Variants in LRP1B observed in about 807,000 individuals in gnomAD.
The protein encoded by LRP1B is low-density lipoprotein receptor-related protein 1B.
In LRP1B, 217 loss-of-function variants were observed where a neutral mutation model predicts 556.6. The ratio of observed to expected loss-of-function variants is 0.39; its 90% CI spans 0.35 to 0.44. The LOEUF is 0.44. Among genes scored for constraint, LRP1B ranks in the 20% least tolerant of loss-of-function variants. The pLI is 1.00. For missense variants in LRP1B, 5,053 were observed against 5,620.8 expected (o/e 0.90, Z 3.23); for synonymous variants, 2,047 against 1,865.8 (o/e 1.10, Z -2.50).
chr2:140,353,296 C>A (rs1478751343), intron 75 of LRP1B, among the ~76,000 whole-genome samples: 1 of 152,066 alleles, frequency 6.6e-6, no homozygotes, highest in Non-Finnish European at 1.5e-5. Context: ...TATTAATCCA[C>A]TTAAAATATT....
intron 3 of LRP1B, among the ~76,000 whole-genome samples, chr2:141,327,625 A>G (rs908016074): frequency 1.3e-5 from 2 of 152,236 alleles, no homozygotes; most frequent in African/African-American, 2.4e-5. Context: ...TTCTCCTAAA[A>G]AGAAGGGAAT....
At chr2:140,390,501 T>G (rs1683967589) in intron 66 of LRP1B, among the ~76,000 whole-genome samples, 1 of 151,958 alleles carries the variant, frequency 6.6e-6, no homozygotes. Flanking sequence ...AGGAAAATAC[T>G]CTTATAATGT....
In LRP1B at chr2:141,736,094, T is replaced by G. The variant is rs145274910; in HGVS notation, c.205+74185A>C. ...TCACCCACTCTCTCTAGGGGCAGGT[T>G]GTTCCCAGAAAGAATAGAGGCTAAG... On this transcript the variant is annotated intron_variant, in intron 2 of 90. Transcript: ENST00000389484. Among the ~76,000 whole-genome samples the G allele has an allele frequency of 2.9e-4, 44 of 152,244 alleles. No homozygotes were observed. In the East Asian group the frequency reaches 7.8e-3, roughly 27 times the overall value.
intron 35 of LRP1B, among the ~76,000 whole-genome samples, chr2:140,743,147 C>T (rs954198461): frequency 6.6e-6 from 1 of 151,932 alleles, no homozygotes; most frequent in Admixed American, 6.6e-5. Flanking sequence ...TGAACAAATT[C>T]CTAATAGTTG....
chr2:141,238,462 A>G (rs939759217), intron 5 of LRP1B, among the ~76,000 whole-genome samples: 4 of 152,154 alleles, frequency 2.6e-5, no homozygotes, highest in Non-Finnish European at 5.9e-5. Flanking sequence ...ATACTGCCTC[A>G]GTATTTGAAT....
intron 15 of LRP1B, among the ~76,000 whole-genome samples, chr2:140,994,805 A>G (rs1302241441): frequency 6.6e-6 from 1 of 152,084 alleles, no homozygotes; most frequent in Non-Finnish European, 1.5e-5. Flanking sequence ...GTTTACTATA[A>G]TCAAACATAC....
chr2:140,614,555 G>C (rs10172712), intron 41 of LRP1B, among the ~76,000 whole-genome samples: 34,761 of 152,016 alleles, frequency 0.23, 4,271 homozygotes, highest in Admixed American at 0.3. Flanking sequence ...TTGAGAATAA[G>C]AGCAGAAAAT....
intron 2 of LRP1B, among the ~76,000 whole-genome samples, chr2:141,643,408 A>T (rs186694251): frequency 2.0e-4 from 31 of 152,334 alleles, no homozygotes; most frequent in Admixed American, 2.0e-3. Flanking sequence ...ATACATATTT[A>T]AGATAATGAA....
intron 1 of LRP1B, among the ~76,000 whole-genome samples, chr2:141,917,676 A>T (rs1235419132): frequency 6.6e-6 from 1 of 152,208 alleles, no homozygotes; most frequent in Non-Finnish European, 1.5e-5. Context: ...ATGTTAGTAC[A>T]TTAACCACTA....
chr2:141,364,363 G>C (rs75370162), intron 3 of LRP1B, among the ~76,000 whole-genome samples: 1 of 149,004 alleles, frequency 6.7e-6, no homozygotes, highest in African/African-American at 2.5e-5. Flanking sequence ...GCACACACAC[G>C]TAGTGGAATG....
chr2:140,840,975 G>T lies in LRP1B; in HGVS notation c.5057C>A (p.Thr1686Asn). Reference sequence around the variant, plus strand: ...CTTATCGATTCCATGGATAATTGAGGTTTTCAAAGAGCCATCTAGCCTTGC... The same window carrying T: ...CTTATCGATTCCATGGATAATTGAGTTTTTCAAAGAGCCATCTAGCCTTGC... ...NVARLDGSLK[T>N]SIIHGIDKPQ... Residue 1686 changes from threonine to asparagine, a missense_variant, in exon 30 of 91, where the codon ACC becomes AAC. Thr to Asn is a moderately conservative substitution (Grantham distance 65). Around this residue, in one of 5 missense-constraint regions of LRP1B, gnomAD observed 3,619 missense variants for 3,931.9 expected, o/e 0.92. Coordinates refer to ENST00000389484, the MANE Select transcript of LRP1B (RefSeq NM_018557.3). The T allele has an allele frequency of 6.2e-7, 1 of 1,613,086 alleles. No individual in the cohort carries two copies. The highest frequency in any genetic ancestry group is 2.2e-5 in the East Asian group (1 of 44,824).
At chr2:141,982,237 A>G (rs1261215990) in intron 1 of LRP1B, among the ~76,000 whole-genome samples, 2 of 152,298 alleles carry the variant, frequency 1.3e-5, no homozygotes, top group African/African-American at 4.8e-5. Flanking sequence ...CTAATGGCTG[A>G]CTGATATCTA....
intron 1 of LRP1B, among the ~76,000 whole-genome samples, chr2:142,005,319 C>T (rs919164566): frequency 2.0e-5 from 3 of 151,982 alleles, no homozygotes; most frequent in African/African-American, 7.2e-5. Context: ...CCTTGGAAAA[C>T]TGACACTAGC....
intron 7 of LRP1B, among the ~76,000 whole-genome samples, chr2:141,116,586 A>G (rs1055011770): frequency 6.6e-6 from 1 of 152,174 alleles, no homozygotes; most frequent in African/African-American, 2.4e-5. Flanking sequence ...ATAGTGCCCA[A>G]AAACCTTTAC....
At chr2:140,242,960 T>A (rs1681014129) in intron 87 of LRP1B, among the ~76,000 whole-genome samples, 6 of 151,134 alleles carry the variant, frequency 4.0e-5, no homozygotes, top group Non-Finnish European at 7.4e-5. Context: ...GAGAGAAGTT[T>A]AAGGATGGAA....
In LRP1B at chr2:140,335,842, C is replaced by T. The variant is rs758121241; in HGVS notation, c.11893-4G>A. The T allele has an allele frequency of 6.3e-7, 1 of 1,586,806 alleles. No homozygotes were observed. The highest frequency in any genetic ancestry group is 1.1e-5 in the South Asian group (1 of 90,470). ...TGGGCCTTTTAAATTCAGGACACTACAAGGAAACAAAACAACACACCACGG... is the reference window on the plus strand; with the variant it reads ...TGGGCCTTTTAAATTCAGGACACTATAAGGAAACAAAACAACACACCACGG... On this transcript the variant is annotated splice_polypyrimidine_tract_variant and splice_region_variant and intron_variant, in intron 77 of 90. Transcript: ENST00000389484.
chr2:141,419,887 A>C (rs6733086), intron 3 of LRP1B, among the ~76,000 whole-genome samples: 4,970 of 151,854 alleles, frequency 0.033, 255 homozygotes, highest in African/African-American at 0.11. Flanking sequence ...GCTTGTTATA[A>C]TTTCAACCTT....
intron 2 of LRP1B, among the ~76,000 whole-genome samples, chr2:141,602,689 A>C (rs17735355): frequency 6.6e-6 from 1 of 152,072 alleles, no homozygotes; most frequent in African/African-American, 2.4e-5. Context: ...GCCAGGATAC[A>C]TTGCTTTCTC....
chr2:141,046,517 A>G (rs957776906), intron 11 of LRP1B, among the ~76,000 whole-genome samples: 1 of 152,132 alleles, frequency 6.6e-6, no homozygotes, highest in Non-Finnish European at 1.5e-5. Context: ...TAGAAAGACA[A>G]AAATGTTAAA....
Sources: gnomAD v4.1 joint callset for allele counts (sites outside exome capture counted in the v4.1 genomes callset) on GRCh38, gnomAD v4.1.1 for gene constraint, gnomAD v4.1.1 regional missense constraint, MANE v1.5 for transcripts, NCBI Gene and HGNC (gene_info 2026-07-23, HGNC 2026-07-21) for gene names.